PLVAP: variants seen among roughly 807,000 people sequenced by gnomAD.
PLVAP encodes the protein plasmalemma vesicle-associated protein.
PLVAP carries 34 observed loss-of-function variants against 43.1 expected under a neutral mutation model. The observed-to-expected ratio is 0.79, with a 90% CI of 0.60 to 1.05. The LOEUF (loss-of-function observed/expected upper bound fraction) is 1.05, where lower values mean the gene tolerates loss of function less well. PLVAP is among the 50% of genes least tolerant of loss of function. PLVAP has a pLI of 0.00. For synonymous variants in PLVAP, 241 were observed against 237.3 expected (o/e 1.02, Z -0.14); for missense variants, 574 against 593.4 (o/e 0.97, Z 0.34).
intron 5 of PLVAP, among the ~76,000 whole-genome samples, chr19:17,354,992 C>T (rs747300067): frequency 1.3e-5 from 2 of 151,442 alleles, no homozygotes; most frequent in African/African-American, 4.8e-5. Flanking sequence ...GAGGCTGAGG[C>T]GGGCAGATCA....
At chr19:17,357,787 C>A (rs1489448103) in intron 5 of PLVAP, among the ~76,000 whole-genome samples, 1 of 152,236 alleles carries the variant, frequency 6.6e-6, no homozygotes, top group East Asian at 1.9e-4. Context: ...GAGTCAAGGG[C>A]AGAAGCCAGC....
At chr19:17,375,079 C>G (rs2074589762) in intron 1 of PLVAP, among the ~76,000 whole-genome samples, 1 of 152,164 alleles carries the variant, frequency 6.6e-6, no homozygotes. Context: ...ACCTTGGCCT[C>G]TCACAGTGCT....
intron 1 of PLVAP, among the ~76,000 whole-genome samples, chr19:17,368,581 C>T (rs1304479692): frequency 6.6e-6 from 1 of 152,044 alleles, no homozygotes; most frequent in East Asian, 1.9e-4. Context: ...TCCAACATGA[C>T]TGATGTCCTT....
rs368335845 is a variant in PLVAP at position 17,360,774 on chromosome 19, A to G, written c.1238T>C (p.Ile413Thr). 6.2e-7 allele frequency: 1 copy of G among 1,613,154 alleles called. No individual in the cohort carries two copies. The highest frequency in any genetic ancestry group is 1.3e-5 in the African/African-American group (1 of 74,822). Residue 413 changes from isoleucine (I) to threonine (T), a missense_variant and splice_region_variant, in exon 4 of 6, where the codon ATC (isoleucine) becomes ACC (threonine). Coordinates refer to ENST00000252590, the MANE Select transcript of PLVAP (RefSeq NM_031310.3). ...TGGCTCTGTCTTTTGTCACTCACCG[A>G]TGGGCTGGGGGTTGGGGACAGGGCC... is the stretch of plus-strand genomic sequence containing the variant. ...PMGPVPNPQPIDPASLEEFKR... is the reference protein window; with the variant it reads ...PMGPVPNPQPTDPASLEEFKR...
At chr19:17,357,001 C>T (rs1021079732) in intron 5 of PLVAP, among the ~76,000 whole-genome samples, 2 of 151,554 alleles carry the variant, frequency 1.3e-5, no homozygotes, top group African/African-American at 2.4e-5. Context: ...GAGTGGAGGC[C>T]GGAGGGGGTG....
intron 5 of PLVAP, among the ~76,000 whole-genome samples, chr19:17,358,431 T>C (rs916585482): frequency 6.6e-6 from 1 of 152,160 alleles, no homozygotes; most frequent in African/African-American, 2.4e-5. Flanking sequence ...AAAATGGTCA[T>C]AGGCACAGTG....
rs1216141610 is a variant in PLVAP, at chr19:17,365,273, C to T, written c.1179+13G>A. The T allele has an allele frequency of 3.1e-6, 5 of 1,597,212 alleles. No individual in the cohort carries two copies. The highest frequency in any genetic ancestry group is 1.7e-4 in the Middle Eastern group (1 of 5,978). ...ACTCCACTGCAGCCTCCCTCTGGGGCCTGCAAGCCCACCTTGGTCTTGATG... is the reference window on the plus strand; with the variant it reads ...ACTCCACTGCAGCCTCCCTCTGGGGTCTGCAAGCCCACCTTGGTCTTGATG... On this transcript the variant is annotated intron_variant, in intron 3 of 5. Coordinates refer to ENST00000252590, the MANE Select transcript of PLVAP (RefSeq NM_031310.3).
intron 1 of PLVAP, among the ~76,000 whole-genome samples, chr19:17,369,666 A>T (rs1045584782): frequency 2.0e-5 from 3 of 150,374 alleles, no homozygotes; most frequent in African/African-American, 7.3e-5. Flanking sequence ...TTAAAATTAA[A>T]TTAAATAAGA....
intron 3 of PLVAP, among the ~76,000 whole-genome samples, chr19:17,363,834 C>T (rs1163931751): frequency 6.6e-6 from 1 of 150,650 alleles, no homozygotes; most frequent in Non-Finnish European, 1.5e-5. Context: ...GCTCTGCCTC[C>T]CGGGTTCACG....
At chr19:17,354,425 C>T (rs1303685035) in intron 5 of PLVAP, among the ~76,000 whole-genome samples, 3 of 151,476 alleles carry the variant, frequency 2.0e-5, no homozygotes, top group Non-Finnish European at 4.4e-5. Context: ...GGCGAAACGC[C>T]GTCTCTACTA....
chr19:17,353,586 G>A (rs2074494420), intron 5 of PLVAP, among the ~76,000 whole-genome samples: 1 of 152,002 alleles, frequency 6.6e-6, no homozygotes, highest in Non-Finnish European at 1.5e-5. Flanking sequence ...CTTTGCCCTG[G>A]CTGTGTCCTC....
chr19:17,368,177 T>G (rs1332655082), intron 1 of PLVAP, among the ~76,000 whole-genome samples: 2 of 151,134 alleles, frequency 1.3e-5, no homozygotes, highest in Admixed American at 6.6e-5. Flanking sequence ...GTTCAAGTGA[T>G]TCTCCTGCCT....
At chr19:17,360,033 C>T (rs574420505) in intron 5 of PLVAP, among the ~76,000 whole-genome samples, 1 of 152,272 alleles carries the variant, frequency 6.6e-6, no homozygotes, top group South Asian at 2.1e-4. Context: ...GCTCCTCATG[C>T]TCCAGCTCTT....
Position 17,366,184 on chromosome 19 carries a change from C to T in PLVAP, c.381G>A (p.Thr127=), listed in dbSNP as rs1024690121. The change falls in exon 2 of 6, where the codon ACG becomes ACA. Residue 127 remains threonine, a synonymous_variant. Transcript: ENST00000252590. The part of the protein sequence containing the change: ...RQCQGDRVIY[T]NNQRYMAAII... ...TGGCAGCCATGTACCTCTGATTGTT[C>T]GTGTAGATGACCTGCCCGGAAGATA... is the stretch of plus-strand genomic sequence containing the variant. 1.9e-5 allele frequency: 31 copies of T among 1,613,954 alleles called. No homozygotes were observed. The highest frequency in any genetic ancestry group is 2.5e-5 in the Non-Finnish European group (30 of 1,180,014).
chr19:17,377,233 C>T lies in PLVAP; in HGVS notation c.56G>A (p.Arg19Gln), dbSNP rs376999423. 1.3e-5 allele frequency: 21 copies of T among 1,613,980 alleles called. No homozygotes were observed. The highest frequency in any genetic ancestry group is 1.7e-5 in the Admixed American group (1 of 60,000). ...GTAGCGCAGGTAATACCAGCAGCCC[C>T]GAGAGCTGCCCCCCGCCCGAGCGTA... ...GSYARAGGSS[R>Q]GCWYYLRYFF... Residue 19 changes from arginine (R) to glutamine (Q), a missense_variant, in exon 1 of 6, where the codon CGG becomes CAG. Transcript: ENST00000252590.
intron 5 of PLVAP, among the ~76,000 whole-genome samples, chr19:17,356,590 C>T (rs2074507631): frequency 6.6e-6 from 1 of 152,104 alleles, no homozygotes; most frequent in Non-Finnish European, 1.5e-5. Flanking sequence ...TCATCCTCCT[C>T]AGCCTCCCAA....
intron 1 of PLVAP, among the ~76,000 whole-genome samples, chr19:17,374,516 G>T (rs1297413932): frequency 6.6e-6 from 1 of 151,920 alleles, no homozygotes; most frequent in Non-Finnish European, 1.5e-5. Context: ...ATTTGGCAAT[G>T]AGTTAATATT....
At chr19:17,364,221 G>T (rs1256765001) in intron 3 of PLVAP, among the ~76,000 whole-genome samples, 3 of 152,110 alleles carry the variant, frequency 2.0e-5, no homozygotes, top group Non-Finnish European at 4.4e-5. Context: ...AAGTAGCTGG[G>T]ATTACAGACG....
chr19:17,368,853 C>A (rs186511485), intron 1 of PLVAP, among the ~76,000 whole-genome samples: 2 of 152,084 alleles, frequency 1.3e-5, no homozygotes, highest in Non-Finnish European at 2.9e-5. Context: ...TGGTGGGCAC[C>A]CGTAATCTCA....
Sources: gnomAD v4.1 joint callset for allele counts (sites outside exome capture counted in the v4.1 genomes callset) on GRCh38, gnomAD v4.1.1 for gene constraint, MANE v1.5 for transcripts, NCBI Gene and HGNC (gene_info 2026-07-23, HGNC 2026-07-21) for gene names.